TAFA2: variants seen among roughly 807,000 people sequenced by gnomAD.
TAFA2 encodes chemokine-like protein TAFA-2.
Under a neutral mutation model 18.8 loss-of-function variants are expected in TAFA2, and 7 were observed. That is an observed-to-expected ratio of 0.37 (90% CI 0.21 to 0.70). The LOEUF (loss-of-function observed/expected upper bound fraction) is 0.70. TAFA2 is among the 30% of genes least tolerant of loss of function. TAFA2 has a pLI of 0.53. For synonymous variants in TAFA2, 60 were observed against 54.2 expected (o/e 1.11, Z -0.47); for missense variants, 122 against 158.1 (o/e 0.77, Z 1.23).
rs564907258 is a variant in TAFA2, at chr12:61,867,647, C to G, written c.-1-221G>C. Among the ~76,000 whole-genome samples the G allele has an allele frequency of 3.3e-5, 5 of 152,138 alleles. No individual in the cohort carries two copies. In the South Asian group the frequency reaches 1.0e-3, roughly 32 times the overall value. ...TATGATGCAAGAAATAAGCAAAGCC[C>G]TGCCTCAGTCTTCATCCACTTAACC... On this transcript the variant is annotated intron_variant, in intron 1 of 4. Transcript: ENST00000416284.
rs150457058 is a variant in TAFA2 at position 61,994,229 on chromosome 12, G to A, written c.-1-126803C>T. Among the ~76,000 whole-genome samples the A allele has an allele frequency of 2.4e-3, 370 of 152,228 alleles. 3 individuals carry two copies. The highest frequency in any genetic ancestry group is 8.4e-3 in the African/African-American group (351 of 41,544). On this transcript the variant is annotated intron_variant, in intron 1 of 4. Transcript: ENST00000416284. ...CACTGAGAAAAGGGAAGCCACCAAA[G>A]TGGAGCTCTGTCACCATCATAACTT...
chr12:61,830,912 C>T (rs1435682373), intron 2 of TAFA2, among the ~76,000 whole-genome samples: 1 of 151,874 alleles, frequency 6.6e-6, no homozygotes, highest in African/African-American at 2.4e-5. Context: ...TGAAACTTTA[C>T]CAAACATATC....
chr12:61,940,840 T>C (rs1288136890), intron 1 of TAFA2, among the ~76,000 whole-genome samples: 3 of 152,114 alleles, frequency 2.0e-5, no homozygotes, highest in African/African-American at 7.2e-5. Context: ...TAGAATACTA[T>C]GGTTATGAGC....
intron 1 of TAFA2, among the ~76,000 whole-genome samples, chr12:61,993,402 A>G (rs12815303): frequency 0.29 from 43,363 of 152,008 alleles, 7,244 homozygotes; most frequent in Non-Finnish European, 0.38. Flanking sequence ...ATGTTGGTCT[A>G]CCCAAACACA....
At chr12:62,104,840 A>G (rs929990370) in intron 1 of TAFA2, 1 of 350,356 alleles carries the variant, frequency 2.9e-6, no homozygotes, top group South Asian at 2.1e-5. Context: ...TTGAGGCTCA[A>G]GTTTGGCTCC....
At chr12:62,236,224 C>G (rs1184227527) in intron 1 of TAFA2, among the ~76,000 whole-genome samples, 1 of 151,042 alleles carries the variant, frequency 6.6e-6, no homozygotes, top group Admixed American at 6.6e-5. Context: ...CGTGTATTTA[C>G]TTTACCAGCG....
chr12:62,201,105 G>A (rs201782793), intron 1 of TAFA2, among the ~76,000 whole-genome samples: 2 of 152,116 alleles, frequency 1.3e-5, no homozygotes, highest in African/African-American at 2.4e-5. Context: ...TCCTGAGACC[G>A]CTGAATTTGC....
intron 1 of TAFA2, among the ~76,000 whole-genome samples, chr12:61,982,765 G>T (rs1485764893): frequency 6.7e-6 from 1 of 150,002 alleles, no homozygotes. Context: ...TTTTCTGTAG[G>T]GTATACCTAG....
At chr12:62,146,297 T>TC (rs1351822664) in intron 1 of TAFA2, among the ~76,000 whole-genome samples, 1 of 149,896 alleles carries the variant, frequency 6.7e-6, no homozygotes, top group Non-Finnish European at 1.5e-5. Flanking sequence ...TTTTTTTTTT[T>TC]TTTTTTGACA....
At chr12:62,009,344 T>C (rs576447342) in intron 1 of TAFA2, among the ~76,000 whole-genome samples, 1 of 152,326 alleles carries the variant, frequency 6.6e-6, no homozygotes, top group South Asian at 2.1e-4. Flanking sequence ...CTTTCTTAGA[T>C]GTATTCATTT....
At chr12:62,244,974 GTTTATC>G (rs2062878345) in intron 1 of TAFA2, among the ~76,000 whole-genome samples, 1 of 151,896 alleles carries the variant, frequency 6.6e-6, no homozygotes, top group African/African-American at 2.4e-5. Context: ...CCACTCTGTG[GTTTATC>G]TTTAATGATA....
At chr12:62,102,839 T>C (rs141328399) in intron 1 of TAFA2, among the ~76,000 whole-genome samples, 9 of 152,334 alleles carry the variant, frequency 5.9e-5, no homozygotes, top group Admixed American at 1.3e-4. Flanking sequence ...TTAATACTCA[T>C]AGACTTCACT....
chr12:61,728,293 T>C (rs1870270296), intron 4 of TAFA2, among the ~76,000 whole-genome samples: 1 of 152,078 alleles, frequency 6.6e-6, no homozygotes, highest in African/African-American at 2.4e-5. Flanking sequence ...CTTTCTGTCT[T>C]AATGACCTGT....
chr12:61,724,779 G>A (rs1183357266), intron 4 of TAFA2, among the ~76,000 whole-genome samples: 24 of 102,684 alleles, frequency 2.3e-4, no homozygotes, highest in Non-Finnish European at 2.9e-4. Context: ...GTGTGTGTGT[G>A]TGTGTGTGTG....
intron 1 of TAFA2, among the ~76,000 whole-genome samples, chr12:62,121,755 G>A (rs920314994): frequency 6.6e-6 from 1 of 152,190 alleles, no homozygotes; most frequent in Non-Finnish European, 1.5e-5. Flanking sequence ...AGGTTCAGGA[G>A]ATAGGACAGT....
In TAFA2 at chr12:62,042,311, C is replaced by T. The variant is rs182008751; in HGVS notation, c.-2+148948G>A. Among the ~76,000 whole-genome samples the T allele has an allele frequency of 1.1e-4, 16 of 152,110 alleles. No homozygotes were observed. In the East Asian group the frequency reaches 2.5e-3, roughly 24 times the overall value. ...GGCCACAATTAGGTTCAAACAGAAA[C>T]AGCATAAGTCTCCTTGGCTGCTAAT... On this transcript the variant is annotated intron_variant, in intron 1 of 4. Transcript: ENST00000416284.
chr12:61,806,052 G>A lies in TAFA2; in HGVS notation c.107-51028C>T, dbSNP rs1298575191. On this transcript the variant is annotated intron_variant, in intron 2 of 4. Coordinates refer to ENST00000416284, the MANE Select transcript of TAFA2 (RefSeq NM_178539.5). ...GAGTGTGAGGGATGGAGAGGGTAAA[G>A]AACATAACTAGTCTTCCCCACATTG... Among the ~76,000 whole-genome samples, 6 of 152,078 alleles carry A rather than the reference G, an allele frequency of 3.9e-5. No homozygotes were observed. The South Asian group carries it at 1.0e-3, about 26-fold the overall frequency.
At chr12:62,140,351 C>A (rs988475256) in intron 1 of TAFA2, 1 of 152,188 alleles carries the variant, frequency 6.6e-6, no homozygotes, top group African/African-American at 2.4e-5. Flanking sequence ...GCTTCTTCAG[C>A]TTCCCACCAG....
At chr12:61,781,299 A>G (rs1870492714) in intron 2 of TAFA2, among the ~76,000 whole-genome samples, 1 of 151,706 alleles carries the variant, frequency 6.6e-6, no homozygotes, top group Non-Finnish European at 1.5e-5. Flanking sequence ...GACAAATTTC[A>G]CAGGATTTAC....
Sources: gnomAD v4.1 joint callset for allele counts (sites outside exome capture counted in the v4.1 genomes callset) on GRCh38, gnomAD v4.1.1 for gene constraint, MANE v1.5 for transcripts, NCBI Gene and HGNC (gene_info 2026-07-23, HGNC 2026-07-21) for gene names.